The following SLC9A7 variants were observed in gnomAD, a reference collection of about 807,000 sequenced individuals.
SLC9A7 encodes sodium/hydrogen exchanger 7.
A neutral mutation model predicts 52.6 loss-of-function variants in SLC9A7; 19 were observed. The observed-to-expected ratio is 0.36, with a 90% CI of 0.25 to 0.53. The LOEUF (loss-of-function observed/expected upper bound fraction) is 0.53. Among genes scored for constraint, SLC9A7 ranks in the 20% least tolerant of loss-of-function variants. SLC9A7 has a pLI of 0.91. For synonymous variants in SLC9A7, 226 were observed against 252.1 expected (o/e 0.90, Z 0.98); for missense variants, 455 against 597.9 (o/e 0.76, Z 2.49).
intron 12 of SLC9A7, among the ~76,000 whole-genome samples, chrX:46,642,567 G>GTC (rs1335759220): frequency 1.8e-5 from 2 of 112,133 alleles, no homozygotes; most frequent in Non-Finnish European, 3.8e-5. Flanking sequence ...TGGGCTGTGG[G>GTC]TCTCTTGAAC....
intron 1 of SLC9A7, among the ~76,000 whole-genome samples, chrX:46,722,535 A>G (rs1944877049): frequency 8.9e-6 from 1 of 112,445 alleles, no homozygotes; most frequent in African/African-American, 3.2e-5. Context: ...CTAAAATTCC[A>G]CGAGGCAAAG....
intron 1 of SLC9A7, among the ~76,000 whole-genome samples, chrX:46,748,364 A>AAGGAAGG (rs1921956088): frequency 5.5e-4 from 28 of 51,266 alleles, no homozygotes; most frequent in African/African-American, 1.2e-3. Context: ...AAAAAGAAAG[A>AAGGAAGG]AAGGAAGGAA....
At chrX:46,755,654 C>A (rs1922599010) in intron 1 of SLC9A7, among the ~76,000 whole-genome samples, 1 of 109,303 alleles carries the variant, frequency 9.1e-6, no homozygotes, top group African/African-American at 3.3e-5. Context: ...GAAACCCAAT[C>A]TCTACTAAAA....
At chrX:46,700,665 G>A (rs1186300837) in intron 1 of SLC9A7, among the ~76,000 whole-genome samples, 1 of 111,920 alleles carries the variant, frequency 8.9e-6, no homozygotes, top group East Asian at 2.8e-4. Flanking sequence ...CCAGAACTGT[G>A]AGGAAATAAA....
chrX:46,662,746 G>C (rs1408680991), intron 5 of SLC9A7, 103 bp from the exon 6 acceptor site: 1 of 532,163 alleles, frequency 1.9e-6, no homozygotes, highest in Non-Finnish European at 3.1e-6. Context: ...GGGACTGGGT[G>C]ATTCAAGAGA....
intron 9 of SLC9A7, 22 bp downstream of exon 9, chrX:46,651,294 G>A (rs967332615): frequency 8.4e-7 from 1 of 1,196,922 alleles, no homozygotes; most frequent in Non-Finnish European, 1.1e-6. Flanking sequence ...AGCAACTCGT[G>A]AGTACCAAGC....
chrX:46,673,821 G>A (rs1175833756), intron 3 of SLC9A7, among the ~76,000 whole-genome samples: 1 of 111,750 alleles, frequency 8.9e-6, no homozygotes, highest in East Asian at 2.8e-4. Context: ...AAGGTGTTAA[G>A]GAATGCCTGC....
At chrX:46,633,766 G>A (rs1373904012) in intron 13 of SLC9A7, among the ~76,000 whole-genome samples, 2 of 109,268 alleles carry the variant, frequency 1.8e-5, no homozygotes, top group Non-Finnish European at 3.8e-5. Flanking sequence ...CCATCTCCCG[G>A]GTTCAAGTGA....
At chrX:46,656,839 A>G (rs2146797466) in intron 7 of SLC9A7, among the ~76,000 whole-genome samples, 1 of 107,673 alleles carries the variant, frequency 9.3e-6, no homozygotes, top group South Asian at 4.3e-4. Context: ...CTAGCAAGGC[A>G]GGCCAACATT....
At chrX:46,688,895 T>C (rs1016350344) in intron 1 of SLC9A7, among the ~76,000 whole-genome samples, 3 of 111,909 alleles carry the variant, frequency 2.7e-5, no homozygotes, top group Non-Finnish European at 5.6e-5. Context: ...AAGTCCCTTA[T>C]TGAAAATACA....
At chrX:46,646,078 TTTTTTGTTTTTG>T (rs1008939591) in intron 11 of SLC9A7, among the ~76,000 whole-genome samples, 4 of 111,751 alleles carry the variant, frequency 3.6e-5, no homozygotes, top group Admixed American at 9.5e-5. Flanking sequence ...GAAACTGTTT[TTTTTTGTTTTTG>T]TTTTTGTTTT....
At chrX:46,745,475 T>C (rs1182418517) in intron 1 of SLC9A7, among the ~76,000 whole-genome samples, 1 of 111,829 alleles carries the variant, frequency 8.9e-6, no homozygotes, top group Non-Finnish European at 1.9e-5. Context: ...AGGAAAAAAA[T>C]TGATAGAAAC....
intron 12 of SLC9A7, among the ~76,000 whole-genome samples, chrX:46,638,871 G>A: frequency 8.9e-6 from 1 of 112,063 alleles, no homozygotes; most frequent in Non-Finnish European, 1.9e-5. Flanking sequence ...TGTGAGGCCA[G>A]ATTACTCTGA....
At chrX:46,740,573 A>G (rs1841492836) in intron 1 of SLC9A7, among the ~76,000 whole-genome samples, 1 of 111,625 alleles carries the variant, frequency 9.0e-6, no homozygotes, top group African/African-American at 3.3e-5. Context: ...TATCGACCAT[A>G]TATTGTAATA....
At chrX:46,613,238 C>A in intron 16 of SLC9A7, 51 bp downstream of exon 16, 10 of 920,639 alleles carry the variant, frequency 1.1e-5, no homozygotes, top group Non-Finnish European at 1.4e-5. Flanking sequence ...CTACGTAAGA[C>A]ACTACCCTGG....
intron 1 of SLC9A7, among the ~76,000 whole-genome samples, chrX:46,726,207 T>C (rs1569523989): frequency 9.0e-6 from 1 of 110,826 alleles, no homozygotes; most frequent in Non-Finnish European, 1.9e-5. Flanking sequence ...TGAGCCATGA[T>C]CACACCAGTG....
At chrX:46,610,271 A>G (rs1426906184) in intron 16 of SLC9A7, among the ~76,000 whole-genome samples, 3 of 112,754 alleles carry the variant, frequency 2.7e-5, no homozygotes, top group Non-Finnish European at 5.6e-5. Flanking sequence ...ACCAGAAGTC[A>G]TTTTCAAAAG....
At chrX:46,611,187 C>T (rs1286749121) in intron 16 of SLC9A7, among the ~76,000 whole-genome samples, 1 of 112,038 alleles carries the variant, frequency 8.9e-6, no homozygotes, top group Non-Finnish European at 1.9e-5. Flanking sequence ...GCATTCAGCA[C>T]AAGACAGCTT....
At chrX:46,648,999 C>T (rs1190483218) in intron 10 of SLC9A7, among the ~76,000 whole-genome samples, 2 of 111,713 alleles carry the variant, frequency 1.8e-5, no homozygotes, top group Admixed American at 1.9e-4. Flanking sequence ...AGCTTTCCCA[C>T]CTCCTGATTC....
Sources: gnomAD v4.1 joint callset for allele counts (sites outside exome capture counted in the v4.1 genomes callset) on GRCh38, gnomAD v4.1.1 for gene constraint, MANE v1.5 for transcripts, NCBI Gene and HGNC (gene_info 2026-07-23, HGNC 2026-07-21) for gene names.